The following GRID2 variants were observed in gnomAD, a reference collection of about 807,000 sequenced individuals.
GRID2 encodes the protein glutamate receptor ionotropic, delta-2.
In GRID2, 33 loss-of-function variants were observed where a neutral mutation model predicts 114.8. The ratio of observed to expected loss-of-function variants is 0.29; its 90% CI spans 0.22 to 0.38. The LOEUF (loss-of-function observed/expected upper bound fraction) is 0.38, where lower values mean the gene tolerates loss of function less well. GRID2 is among the 10% of genes least tolerant of loss of function. The pLI is 1.00. For missense variants in GRID2, 1,184 were observed against 1,257.7 expected (o/e 0.94, Z 0.89); for synonymous variants, 505 against 449.9 (o/e 1.12, Z -1.55).
chr4:93,185,664 T>G (rs1278588111), intron 4 of GRID2, among the ~76,000 whole-genome samples: 1 of 152,196 alleles, frequency 6.6e-6, no homozygotes, highest in African/African-American at 2.4e-5. Context: ...TAACAAAAAT[T>G]ACTTAGAAAA....
intron 4 of GRID2, among the ~76,000 whole-genome samples, chr4:93,178,201 ACTCT>A (rs1231263394): frequency 6.6e-6 from 1 of 151,024 alleles, no homozygotes; most frequent in African/African-American, 2.4e-5. Flanking sequence ...CCTCTTTGTC[ACTCT>A]CTATTCACTT....
chr4:93,223,991 T>G (rs1210749922), intron 6 of GRID2, among the ~76,000 whole-genome samples: 1 of 152,176 alleles, frequency 6.6e-6, no homozygotes, highest in Non-Finnish European at 1.5e-5. Flanking sequence ...GTTAATAGTT[T>G]ATGGTATTTG....
At chr4:92,922,127 G>T (rs1278478131) in intron 2 of GRID2, among the ~76,000 whole-genome samples, 1 of 152,084 alleles carries the variant, frequency 6.6e-6, no homozygotes, top group Non-Finnish European at 1.5e-5. Context: ...AGGCTCCGTG[G>T]GTGTAGGACC....
intron 2 of GRID2, among the ~76,000 whole-genome samples, chr4:92,722,451 G>C (rs1312776295): frequency 6.6e-6 from 1 of 152,124 alleles, no homozygotes; most frequent in Non-Finnish European, 1.5e-5. Context: ...TGAGGAAAAG[G>C]GGAACGGGTG....
At chr4:93,459,180 CAAAAAAAAAAAAA>C (rs57937928) in intron 11 of GRID2, among the ~76,000 whole-genome samples, 1 of 50,030 alleles carries the variant, frequency 2.0e-5, no homozygotes, top group African/African-American at 7.8e-5. Context: ...AACTCCATCT[CAAAAAAAAAAAAA>C]AAAAAAAAAA....
intron 2 of GRID2, among the ~76,000 whole-genome samples, chr4:92,966,412 C>A (rs138910989): frequency 5.3e-5 from 8 of 151,928 alleles, no homozygotes; most frequent in Non-Finnish European, 1.0e-4. Flanking sequence ...AATTTGGATA[C>A]AATGTTATGC....
chr4:93,072,060 A>C (rs888701621), intron 2 of GRID2, among the ~76,000 whole-genome samples: 18 of 152,168 alleles, frequency 1.2e-4, no homozygotes, highest in Admixed American at 1.0e-3. Context: ...ATTACAATGC[A>C]ACAAGCACTT....
chr4:93,510,860 AC>A (rs1233230356), intron 12 of GRID2, among the ~76,000 whole-genome samples: 2 of 152,138 alleles, frequency 1.3e-5, no homozygotes, highest in African/African-American at 4.8e-5. Context: ...AATCTAACCT[AC>A]TCAATGTTAA....
At chr4:93,004,029 A>T (rs981879679) in intron 2 of GRID2, among the ~76,000 whole-genome samples, 1 of 151,930 alleles carries the variant, frequency 6.6e-6, no homozygotes, top group East Asian at 1.9e-4. Context: ...CTAAGGAAAC[A>T]TAAGAAAATA....
intron 1 of GRID2, among the ~76,000 whole-genome samples, chr4:92,372,959 C>G (rs1268652466): frequency 6.6e-6 from 1 of 152,076 alleles, no homozygotes; most frequent in Non-Finnish European, 1.5e-5. Flanking sequence ...CCGATGACTA[C>G]CAGAAACTCA....
At chr4:92,643,860 G>T (rs1297716922) in intron 2 of GRID2, among the ~76,000 whole-genome samples, 1 of 151,748 alleles carries the variant, frequency 6.6e-6, no homozygotes, top group African/African-American at 2.4e-5. Context: ...CTCTTCATCT[G>T]ATGAGAAATT....
At chr4:93,016,062 AGTGT>A (rs34148364) in intron 2 of GRID2, among the ~76,000 whole-genome samples, 43 of 148,350 alleles carry the variant, frequency 2.9e-4, no homozygotes, top group African/African-American at 3.2e-4. Flanking sequence ...TGTGTGTGTG[AGTGT>A]GTGTGTGTGT....
At chr4:92,959,212 T>C (rs889964086) in intron 2 of GRID2, among the ~76,000 whole-genome samples, 4 of 151,870 alleles carry the variant, frequency 2.6e-5, no homozygotes, top group South Asian at 4.2e-4. Context: ...TTTTTAGTAC[T>C]ACTATTATTA....
At chr4:92,826,314 G>C (rs1203559283) in intron 2 of GRID2, among the ~76,000 whole-genome samples, 1 of 152,150 alleles carries the variant, frequency 6.6e-6, no homozygotes, top group East Asian at 1.9e-4. Flanking sequence ...AGACTCTTTT[G>C]CTCTTTACAT....
chr4:93,227,162 T>C (rs1295410304), intron 7 of GRID2, among the ~76,000 whole-genome samples: 1 of 152,168 alleles, frequency 6.6e-6, no homozygotes, highest in Non-Finnish European at 1.5e-5. Flanking sequence ...AAATAGCACA[T>C]CGCTCCTTTG....
chr4:92,978,084 T>C (rs1016224148), intron 2 of GRID2, among the ~76,000 whole-genome samples: 1 of 152,072 alleles, frequency 6.6e-6, no homozygotes, highest in African/African-American at 2.4e-5. Context: ...TCACGACCAA[T>C]CCATAGGTAT....
chr4:92,710,011 A>C (rs1735164506), intron 2 of GRID2, among the ~76,000 whole-genome samples: 1 of 152,274 alleles, frequency 6.6e-6, no homozygotes, highest in African/African-American at 2.4e-5. Context: ...ATTTGAAAGT[A>C]AATTAATTTT....
chr4:92,405,716 C>CA (rs59410809), intron 1 of GRID2, among the ~76,000 whole-genome samples: 1,766 of 139,324 alleles, frequency 0.013, 24 homozygotes, highest in African/African-American at 0.037. Flanking sequence ...TTCAGTAATA[C>CA]AAAAAAAAAA....
intron 1 of GRID2, among the ~76,000 whole-genome samples, chr4:92,442,988 G>A (rs1384126314): frequency 5.5e-4 from 84 of 152,074 alleles, no homozygotes; most frequent in Non-Finnish European, 4.9e-4. Flanking sequence ...AGGAAGAATT[G>A]GGACCTAGCT....
Sources: gnomAD v4.1 joint callset for allele counts (sites outside exome capture counted in the v4.1 genomes callset) on GRCh38, gnomAD v4.1.1 for gene constraint, MANE v1.5 for transcripts, NCBI Gene and HGNC (gene_info 2026-07-23, HGNC 2026-07-21) for gene names.